Variants in DST observed in about 807,000 individuals in gnomAD.
The protein encoded by DST is bullous pemphigoid antigen.
A neutral mutation model predicts 875.2 loss-of-function variants in DST; 253 were observed. That is an observed-to-expected ratio of 0.29 (90% CI 0.26 to 0.32). DST has a LOEUF of 0.32. Among genes scored for constraint, DST ranks in the 10% least tolerant of loss-of-function variants. The pLI is 1.00. For missense variants in DST, 8,287 were observed against 9,111.6 expected, an observed-to-expected ratio of 0.91 and a Z score of 3.68; for synonymous variants, 3,124 against 3,197.1, an observed-to-expected ratio of 0.98 and a Z score of 0.77.
rs777988810 is a variant in DST, at chr6:56,473,907, G to A, written c.21960C>T (p.Ser7320=). Residue 7320 remains serine, a synonymous_variant, in exon 93 of 104, where the codon TCC becomes TCT. Coordinates refer to ENST00000680361, the MANE Select transcript of DST (RefSeq NM_001374736.1). ...RRAADPSSLQ[S]HIPVLDKGRA... ...GTCCCTTATCCAAGACTGGAATATG[G>A]GATTGTAATGAGGAAGGATCAGCAG... 1.3e-6 allele frequency: 2 copies of A among 1,597,556 alleles called. No homozygotes were observed. The highest frequency in any genetic ancestry group is 3.4e-5 in the Admixed American group (2 of 58,168).
intron 2 of DST, among the ~76,000 whole-genome samples, chr6:56,920,931 A>C (rs1803889429): frequency 1.0e-5 from 1 of 100,062 alleles, no homozygotes; most frequent in South Asian, 2.7e-4. Flanking sequence ...TTTCACAGAG[A>C]CAGGGTTTCC....
chr6:56,851,180 C>T, intron 4 of DST: 1 of 552,906 alleles, frequency 1.8e-6, no homozygotes, highest in Non-Finnish European at 3.2e-6. Context: ...TTCGTCCAAC[C>T]AGAAGGCAGG....
At chr6:56,493,119 G>T in intron 83 of DST, 30 bp from the exon 84 acceptor site, 1 of 1,584,118 alleles carries the variant, frequency 6.3e-7, no homozygotes, top group Non-Finnish European at 8.6e-7. Context: ...AGTATGTGAT[G>T]TTTAAGGGCC....
At chr6:56,568,648 C>G in intron 54 of DST, 53 bp from the exon 55 acceptor site, 3 of 1,419,292 alleles carry the variant, frequency 2.1e-6, no homozygotes, top group South Asian at 2.7e-5. Context: ...CAGAGTTGCA[C>G]ATTATAATTC....
intron 9 of DST, among the ~76,000 whole-genome samples, chr6:56,676,267 C>T (rs1404754866): frequency 6.6e-6 from 1 of 152,144 alleles, no homozygotes; most frequent in Non-Finnish European, 1.5e-5. Context: ...GGGGTTTTGC[C>T]ATATTGGCCA....
At chr6:56,638,685 C>T (rs982688855) in intron 22 of DST, among the ~76,000 whole-genome samples, 9 of 152,100 alleles carry the variant, frequency 5.9e-5, no homozygotes, top group African/African-American at 2.2e-4. Context: ...CTCAATTTTC[C>T]ACTTCTGAAT....
At chr6:56,692,446 C>A (rs1357772798) in intron 9 of DST, 1 of 1,289,406 alleles carries the variant, frequency 7.8e-7, no homozygotes, top group Admixed American at 2.3e-5. Context: ...GGAATGGCAT[C>A]TCTTTTTTTT....
At chr6:56,923,446 G>A (rs1420381771) in intron 2 of DST, among the ~76,000 whole-genome samples, 3 of 129,736 alleles carry the variant, frequency 2.3e-5, no homozygotes, top group Non-Finnish European at 4.6e-5. Flanking sequence ...GTGGATGCTG[G>A]TAAACCGGCT....
At chr6:56,541,725 T>C (rs1049874126) in intron 61 of DST, among the ~76,000 whole-genome samples, 6 of 152,136 alleles carry the variant, frequency 3.9e-5, no homozygotes, top group African/African-American at 1.4e-4. Flanking sequence ...ATACATGAGG[T>C]GTTTAAGGTC....
At chr6:56,554,606 T>G (rs1403282963) in intron 60 of DST, among the ~76,000 whole-genome samples, 1 of 152,224 alleles carries the variant, frequency 6.6e-6, no homozygotes, top group Non-Finnish European at 1.5e-5. Context: ...ATCACATAAC[T>G]GTTCATACCA....
intron 69 of DST, among the ~76,000 whole-genome samples, chr6:56,518,729 T>C (rs965735296): frequency 2.6e-4 from 40 of 152,218 alleles, no homozygotes; most frequent in African/African-American, 8.2e-4. Context: ...GACACCACAG[T>C]ACCAACCATA....
rs181019359 is a variant in DST at position 56,567,378 on chromosome 6, T to C, written c.14005+1091A>G. 2.7e-5 allele frequency among the ~76,000 whole-genome samples: 4 copies of C among 148,234 alleles called. No individual in the cohort carries two copies. The East Asian group carries it at 7.9e-4, about 29-fold the overall frequency. ...GGGATTTCAGATGGAAGTGAAAATA[T>C]CCTGTAGATGCTCACTACTAATTCC... is the stretch of plus-strand genomic sequence containing the variant. On this transcript the variant is annotated intron_variant, in intron 55 of 103. Coordinates refer to ENST00000680361, the MANE Select transcript of DST (RefSeq NM_001374736.1).
At chr6:56,615,517 T>C in intron 36 of DST, 1 of 1,613,964 alleles carries the variant, frequency 6.2e-7, no homozygotes, top group Non-Finnish European at 8.5e-7. Flanking sequence ...ACATGTCCCA[T>C]TAGGAAGAAT....
intron 85 of DST, among the ~76,000 whole-genome samples, chr6:56,491,666 T>C (rs574772211): frequency 3.9e-5 from 6 of 152,262 alleles, no homozygotes; most frequent in African/African-American, 1.4e-4. Context: ...GGAGCTCTAT[T>C]ATCTGCTCAA....
At chr6:56,687,371 G>C (rs945530178) in intron 9 of DST, among the ~76,000 whole-genome samples, 1 of 152,076 alleles carries the variant, frequency 6.6e-6, no homozygotes, top group Non-Finnish European at 1.5e-5. Context: ...CCTTAACATC[G>C]GTAGGAAGAT....
In DST at chr6:56,517,559, G is replaced by C; in HGVS notation, c.18191C>G (p.Ser6064Cys). The C allele has an allele frequency of 6.2e-7, 1 of 1,613,360 alleles. No individual in the cohort carries two copies. The highest frequency in any genetic ancestry group is 8.5e-7 in the Non-Finnish European group (1 of 1,179,598). Residue 6064 changes from serine (S) to cysteine (C), a missense_variant, in exon 70 of 104, where the codon TCT (serine) becomes TGT (cysteine). By Grantham distance (112) the Ser-to-Cys change is moderately radical. Coordinates refer to ENST00000680361, the MANE Select transcript of DST (RefSeq NM_001374736.1). ...WITETEKKLM[S>C]LGDIRLEQDQ... ...TTGCTCAAGCCTGATGTCACCCAGA[G>C]ACATCAATTTTTTTTCTGTTTCAGT...
At chr6:56,585,699 T>C (rs1358707135) in intron 49 of DST, among the ~76,000 whole-genome samples, 2 of 151,402 alleles carry the variant, frequency 1.3e-5, no homozygotes, top group Non-Finnish European at 3.0e-5. Flanking sequence ...GGTGTCAATT[T>C]TGGATCTTTC....
At chr6:56,866,738 GA>G (rs944212487) in intron 3 of DST, among the ~76,000 whole-genome samples, 5 of 152,108 alleles carry the variant, frequency 3.3e-5, no homozygotes, top group Non-Finnish European at 7.4e-5. Flanking sequence ...TCCTCCACCA[GA>G]AAGTAAGCCC....
At chr6:56,620,385 C>A (rs2098678289) in intron 36 of DST, 2 of 1,614,064 alleles carry the variant, frequency 1.2e-6, no homozygotes, top group Non-Finnish European at 1.7e-6. Context: ...AGCTGCCTCA[C>A]CCGCTCCAGT....
Sources: allele counts gnomAD v4.1 joint callset (sites outside exome capture counted in the v4.1 genomes callset), GRCh38; gene constraint gnomAD v4.1.1; transcripts MANE v1.5; gene names NCBI Gene and HGNC (gene_info 2026-07-23, HGNC 2026-07-21).